KLHL4: variants seen among roughly 807,000 people sequenced by gnomAD.
The protein encoded by KLHL4 is kelch-like protein 4.
A neutral mutation model predicts 45.8 loss-of-function variants in KLHL4; 17 were observed. The observed-to-expected ratio is 0.37, with a 90% confidence interval of 0.25 to 0.56. KLHL4 has a LOEUF of 0.56. KLHL4 is among the 20% of genes least tolerant of loss of function. The pLI is 0.79. For missense variants in KLHL4, 544 were observed against 544.9 expected (o/e 1.00, Z 0.02); for synonymous variants, 224 against 189.9 (o/e 1.18, Z -1.47).
At chrX:87,611,841 C>T (rs1416913972) in intron 1 of KLHL4, among the ~76,000 whole-genome samples, 4 of 111,008 alleles carry the variant, frequency 3.6e-5, no homozygotes, top group East Asian at 2.8e-4. Flanking sequence ...AAACCTGCCA[C>T]TGGGACAAGA....
intron 1 of KLHL4, among the ~76,000 whole-genome samples, chrX:87,562,063 C>T (rs1469652144): frequency 9.2e-6 from 1 of 109,136 alleles, no homozygotes; most frequent in Non-Finnish European, 1.9e-5. Flanking sequence ...ATTTGTGACC[C>T]AGCACATTCT....
At chrX:87,559,466 G>A (rs1306788145) in intron 1 of KLHL4, among the ~76,000 whole-genome samples, 1 of 111,564 alleles carries the variant, frequency 9.0e-6, no homozygotes, top group Non-Finnish European at 1.9e-5. Flanking sequence ...GTTTTGATTT[G>A]ACACTCTGGA....
chrX:87,518,464 A>C, intron 1 of KLHL4, 149 bp downstream of exon 1: 2 of 500,799 alleles, frequency 4.0e-6, no homozygotes, highest in Non-Finnish European at 6.4e-6. Flanking sequence ...GTCTCCTCTA[A>C]GTTTATAAAA....
chrX:87,642,287 GACA>G (rs1282300503), intron 9 of KLHL4, among the ~76,000 whole-genome samples: 1 of 111,270 alleles, frequency 9.0e-6, no homozygotes, highest in African/African-American at 3.3e-5. Flanking sequence ...CCAGAATAGA[GACA>G]ACAATCACTG....
chrX:87,588,828 A>AGAGGAAGAGGAGGAAGAG (rs770396414), intron 1 of KLHL4, among the ~76,000 whole-genome samples: 2 of 110,389 alleles, frequency 1.8e-5, no homozygotes, highest in Non-Finnish European at 3.8e-5. Flanking sequence ...AGGAAGAGGA[A>AGAGGAAGAGGAGGAAGAG]GAGGAAGAGG....
chrX:87,641,076 C>T (rs973976385), intron 9 of KLHL4, among the ~76,000 whole-genome samples: 10 of 111,981 alleles, frequency 8.9e-5, no homozygotes, highest in African/African-American at 3.2e-4. Context: ...CAGCTACAGA[C>T]AGAGCAGCAT....
chrX:87,567,693 A>C (rs188058925), intron 1 of KLHL4, among the ~76,000 whole-genome samples: 222 of 112,117 alleles, frequency 2.0e-3, no homozygotes, highest in African/African-American at 6.9e-3. Context: ...TCTTAAGCGA[A>C]TTAATGCAGA....
intron 6 of KLHL4, among the ~76,000 whole-genome samples, chrX:87,626,978 G>A (rs1011156133): frequency 2.7e-5 from 3 of 111,908 alleles, no homozygotes; most frequent in African/African-American, 9.7e-5. Context: ...GAAGGAATGT[G>A]GGGGCTTTAA....
intron 1 of KLHL4, among the ~76,000 whole-genome samples, chrX:87,557,572 T>C (rs1408276280): frequency 9.0e-6 from 1 of 111,231 alleles, no homozygotes; most frequent in Admixed American, 9.7e-5. Flanking sequence ...ACATTAACAA[T>C]GTAATTAATC....
chrX:87,568,391 C>CTTTTTTTTTTTTTTTTT (rs58586775), intron 1 of KLHL4, among the ~76,000 whole-genome samples: 2 of 57,503 alleles, frequency 3.5e-5, no homozygotes, highest in Non-Finnish European at 5.9e-5. Context: ...TTCTTTTTTT[C>CTTTTTTTTTTTTTTTTT]TTTTTTTTTT....
chrX:87,600,207 G>A (rs1373191919), intron 1 of KLHL4, among the ~76,000 whole-genome samples: 1 of 110,958 alleles, frequency 9.0e-6, no homozygotes, highest in Non-Finnish European at 1.9e-5. Flanking sequence ...TGTAGCACCA[G>A]CCGGGGAGGT....
intron 1 of KLHL4, among the ~76,000 whole-genome samples, chrX:87,607,171 C>A (rs1294544318): frequency 9.0e-6 from 1 of 111,104 alleles, no homozygotes; most frequent in Non-Finnish European, 1.9e-5. Context: ...TTATTCCTGG[C>A]AATCTCAGTA....
intron 1 of KLHL4, among the ~76,000 whole-genome samples, chrX:87,606,202 T>G (rs768476145): frequency 1.8e-5 from 2 of 111,140 alleles, no homozygotes; most frequent in South Asian, 3.7e-4. Context: ...TCTTGTTTGG[T>G]TTTGAAATCA....
At chrX:87,614,805 G>A (rs1922501683) in intron 3 of KLHL4, among the ~76,000 whole-genome samples, 1 of 110,601 alleles carries the variant, frequency 9.0e-6, no homozygotes, top group Non-Finnish European at 1.9e-5. Flanking sequence ...AGAAGAAGAG[G>A]TATATAATAT....
At chrX:87,530,370 C>T (rs1380587171) in intron 1 of KLHL4, among the ~76,000 whole-genome samples, 1 of 105,201 alleles carries the variant, frequency 9.5e-6, no homozygotes, top group African/African-American at 3.5e-5. Flanking sequence ...GCTGCACCCA[C>T]TAACTCGTCA....
rs1360267315 is a variant in KLHL4, at chrX:87,522,975, G to A, written c.422+4660G>A. Among the ~76,000 whole-genome samples the A allele has an allele frequency of 3.6e-5, 4 of 111,275 alleles. No individual in the cohort carries two copies. In the East Asian group the frequency reaches 1.1e-3, roughly 31 times the overall value. On this transcript the variant is annotated intron_variant, in intron 1 of 10. Coordinates refer to ENST00000373119, the MANE Select transcript of KLHL4 (RefSeq NM_019117.5). ...TCAAAATTTGGGGACTCTCATTTAA[G>A]GATCTTGGTGATACTTTGGAGACAT...
chrX:87,636,507 G>A (rs138334080), intron 9 of KLHL4, among the ~76,000 whole-genome samples: 2,296 of 111,757 alleles, frequency 0.021, 25 homozygotes, highest in Middle Eastern at 0.064. Context: ...GTGGATTGCT[G>A]CGCAGGGATA....
intron 1 of KLHL4, among the ~76,000 whole-genome samples, chrX:87,603,697 A>G (rs1321849066): frequency 1.8e-5 from 2 of 111,022 alleles, no homozygotes; most frequent in Non-Finnish European, 3.8e-5. Flanking sequence ...TATGCATCAT[A>G]CATATAAATA....
At chrX:87,540,702 T>A (rs1303725929) in intron 1 of KLHL4, among the ~76,000 whole-genome samples, 2 of 111,226 alleles carry the variant, frequency 1.8e-5, no homozygotes, top group African/African-American at 6.5e-5. Context: ...TGCTTTAGAG[T>A]TAACTATTTT....
Sources: gnomAD v4.1 joint callset for allele counts (sites outside exome capture counted in the v4.1 genomes callset) on GRCh38, gnomAD v4.1.1 for gene constraint, MANE v1.5 for transcripts, NCBI Gene and HGNC (gene_info 2026-07-23, HGNC 2026-07-21) for gene names.